The following SND1 variants were observed in gnomAD, a reference collection of about 807,000 sequenced individuals.
SND1 encodes staphylococcal nuclease domain-containing protein 1.
In SND1, 38 loss-of-function variants were observed where a neutral mutation model predicts 121.7. The observed-to-expected ratio is 0.31, with a 90% CI of 0.24 to 0.41. The LOEUF (loss-of-function observed/expected upper bound fraction) is 0.41, where lower values mean the gene tolerates loss of function less well. Ranked by LOEUF, SND1 falls within the 10% of genes least tolerant of loss-of-function variation. SND1 has a pLI of 1.00. For missense variants in SND1, 868 were observed against 1,184.6 expected (o/e 0.73, Z 3.92); for synonymous variants, 401 against 447.4 (o/e 0.90, Z 1.31).
chr7:127,681,013 TC>T (rs1339367519), intron 1 of SND1, among the ~76,000 whole-genome samples: 1 of 152,136 alleles, frequency 6.6e-6, no homozygotes, highest in African/African-American at 2.4e-5. Flanking sequence ...GTGCCTGACT[TC>T]CCGCAACATA....
At chr7:127,808,807 T>A (rs1288949581) in intron 11 of SND1, among the ~76,000 whole-genome samples, 1 of 152,254 alleles carries the variant, frequency 6.6e-6, no homozygotes, top group Non-Finnish European at 1.5e-5. Context: ...TGATCTAATG[T>A]CTGACATCTC....
chr7:128,070,183 T>C (rs978499640), intron 16 of SND1, among the ~76,000 whole-genome samples: 1 of 152,160 alleles, frequency 6.6e-6, no homozygotes, highest in Non-Finnish European at 1.5e-5. Context: ...CCTTCCTCAG[T>C]GTGGCACCAC....
intron 10 of SND1, among the ~76,000 whole-genome samples, chr7:127,794,937 G>C (rs1040950274): frequency 6.6e-6 from 1 of 152,216 alleles, no homozygotes; most frequent in Non-Finnish European, 1.5e-5. Context: ...GCTGCCACCG[G>C]TTACCATACT....
At chr7:127,889,404 A>G (rs1035446410) in intron 13 of SND1, among the ~76,000 whole-genome samples, 1 of 151,392 alleles carries the variant, frequency 6.6e-6, no homozygotes, top group Non-Finnish European at 1.5e-5. Flanking sequence ...TAACAGATGT[A>G]TGTATTTATG....
chr7:127,908,419 A>G (rs1279384016), intron 14 of SND1, among the ~76,000 whole-genome samples: 1 of 152,004 alleles, frequency 6.6e-6, no homozygotes. Context: ...CACTAAAGGA[A>G]GAAAATTACA....
chr7:128,058,291 T>C (rs1267470624), intron 16 of SND1, among the ~76,000 whole-genome samples: 2 of 152,292 alleles, frequency 1.3e-5, no homozygotes, highest in African/African-American at 4.8e-5. Context: ...CCAACAGTTA[T>C]TGAGTTCTTA....
intron 16 of SND1, among the ~76,000 whole-genome samples, chr7:128,007,052 GT>G (rs11315886): frequency 0.062 from 9,371 of 152,268 alleles, 851 homozygotes; most frequent in African/African-American, 0.19. Flanking sequence ...GTGTTGCTGT[GT>G]CAGGTAGCTC....
chr7:127,996,637 C>G (rs1584725058), intron 16 of SND1, among the ~76,000 whole-genome samples: 1 of 152,316 alleles, frequency 6.6e-6, no homozygotes, highest in East Asian at 1.9e-4. Flanking sequence ...GCAACCTACT[C>G]TCCTGACTCT....
chr7:128,091,764 A>T (rs1350979779), intron 22 of SND1, 73 bp from the exon 23 acceptor site: 4 of 1,520,664 alleles, frequency 2.6e-6, no homozygotes, highest in Non-Finnish European at 3.6e-6. Flanking sequence ...TTACCTAAGC[A>T]TTCTGCAGGG....
At chr7:128,020,582 G>A (rs749672230) in intron 16 of SND1, among the ~76,000 whole-genome samples, 5 of 152,198 alleles carry the variant, frequency 3.3e-5, no homozygotes, top group Admixed American at 1.3e-4. Flanking sequence ...CCATATCCCG[G>A]AAGTTAGGAA....
At chr7:127,827,325 T>G (rs1798660324) in intron 11 of SND1, among the ~76,000 whole-genome samples, 1 of 152,226 alleles carries the variant, frequency 6.6e-6, no homozygotes, top group Non-Finnish European at 1.5e-5. Context: ...CGTTAAAAAT[T>G]TAAATATTGA....
chr7:127,779,874 A>C lies in SND1; in HGVS notation c.1153-27610A>C, dbSNP rs1415730494. Among the ~76,000 whole-genome samples, 3 of 152,184 alleles carry C rather than the reference A, an allele frequency of 2.0e-5. No homozygotes were observed. The East Asian group carries it at 5.8e-4, about 29-fold the overall frequency. On this transcript the variant is annotated intron_variant, in intron 10 of 23. Transcript: ENST00000354725. ...CACTCTCATTATTCAAGGAGTCGGG[A>C]CCATCTCTGTGAGGCTTCTCTGGTC...
chr7:128,045,915 T>G (rs534699200), intron 16 of SND1, among the ~76,000 whole-genome samples: 121 of 152,148 alleles, frequency 8.0e-4, no homozygotes, highest in Non-Finnish European at 1.3e-3. Context: ...TTTAAAAGTT[T>G]AAAAAGAAAA....
chr7:127,934,227 A>G (rs1003483631), intron 15 of SND1, among the ~76,000 whole-genome samples: 10 of 152,194 alleles, frequency 6.6e-5, no homozygotes, highest in African/African-American at 9.7e-5. Flanking sequence ...CAGCGTGTGC[A>G]GAGTTGTAGA....
intron 4 of SND1, 41 bp from the exon 5 acceptor site, chr7:127,701,122 G>T (rs777066832): frequency 6.2e-7 from 1 of 1,605,510 alleles, no homozygotes; most frequent in African/African-American, 1.3e-5. Context: ...ATTTCTGTTT[G>T]TGAACTCACT....
At chr7:127,750,928 C>T (rs542006631) in intron 10 of SND1, among the ~76,000 whole-genome samples, 1 of 152,236 alleles carries the variant, frequency 6.6e-6, no homozygotes, top group Admixed American at 6.5e-5. Context: ...ATAAATGTTT[C>T]GCACATTCTT....
chr7:127,742,022 G>A (rs931306480), intron 10 of SND1, among the ~76,000 whole-genome samples: 2 of 152,194 alleles, frequency 1.3e-5, no homozygotes, highest in African/African-American at 4.8e-5. Flanking sequence ...TTACAATCTA[G>A]CTTTTCTTAG....
intron 20 of SND1, among the ~76,000 whole-genome samples, chr7:128,086,099 AC>A (rs1265097886): frequency 6.6e-6 from 1 of 152,136 alleles, no homozygotes; most frequent in Admixed American, 6.5e-5. Flanking sequence ...GGGCCTTTAC[AC>A]CCACAGTTCC....
intron 16 of SND1, among the ~76,000 whole-genome samples, chr7:128,036,529 G>A (rs1031256898): frequency 6.6e-6 from 1 of 152,170 alleles, no homozygotes; most frequent in Non-Finnish European, 1.5e-5. Context: ...GACAATAAAG[G>A]ATAAAAAAGC....
Sources: gnomAD v4.1 joint callset for allele counts (sites outside exome capture counted in the v4.1 genomes callset) on GRCh38, gnomAD v4.1.1 for gene constraint, MANE v1.5 for transcripts, NCBI Gene and HGNC (gene_info 2026-07-23, HGNC 2026-07-21) for gene names.